GPHN: variants seen among roughly 807,000 people sequenced by gnomAD.
GPHN encodes gephyrin.
Under a neutral mutation model 95.5 loss-of-function variants are expected in GPHN, and 17 were observed. That is an observed-to-expected ratio of 0.18 (90% CI 0.12 to 0.27). The LOEUF is 0.27. GPHN is among the 10% of genes least tolerant of loss of function. The pLI is 1.00. For synonymous variants in GPHN, 320 were observed against 322.5 expected (o/e 0.99, Z 0.08); for missense variants, 660 against 978.1 (o/e 0.67, Z 4.34).
At chr14:67,428,817 C>T in the GPHN span, among the ~76,000 whole-genome samples, 1 of 152,170 alleles carries the variant, frequency 6.6e-6, no homozygotes, top group Non-Finnish European at 1.5e-5. Flanking sequence ...AAGCTCTCCC[C>T]ACTGCTGCCC....
chr14:67,717,729 T>C, the GPHN span: 1 of 152,218 alleles, frequency 6.6e-6, no homozygotes, highest in Non-Finnish European at 1.5e-5. Context: ...AAATCCTCCT[T>C]TACTCGGAAC....
the GPHN span, among the ~76,000 whole-genome samples, chr14:67,455,113 G>T: frequency 6.6e-6 from 1 of 152,216 alleles, no homozygotes; most frequent in African/African-American, 2.4e-5. Context: ...GCCTACCAAA[G>T]TGCTGGGATT....
chr14:67,432,765 C>A, the GPHN span, among the ~76,000 whole-genome samples: 2 of 152,060 alleles, frequency 1.3e-5, no homozygotes, highest in African/African-American at 2.4e-5. Context: ...GGCTTCTCTG[C>A]TGCCTTATGG....
chr14:67,654,748 G>C, the GPHN span, among the ~76,000 whole-genome samples: 2 of 152,040 alleles, frequency 1.3e-5, no homozygotes, highest in Non-Finnish European at 2.9e-5. Flanking sequence ...AAAAAATTTT[G>C]CCCGGGCGCA....
chr14:67,325,979 C>CTTTTTTTTTTT, the GPHN span, among the ~76,000 whole-genome samples: 187 of 110,208 alleles, frequency 1.7e-3, no homozygotes, highest in African/African-American at 6.2e-3. Flanking sequence ...CGGCTCTTTT[C>CTTTTTTTTTTT]TTTTTTTTTT....
the GPHN span, among the ~76,000 whole-genome samples, chr14:67,475,511 A>G: frequency 0.014 from 2,128 of 152,272 alleles, 49 homozygotes; most frequent in African/African-American, 0.049. Flanking sequence ...CCCATCAGCA[A>G]TGTACAAGGG....
the GPHN span, among the ~76,000 whole-genome samples, chr14:67,263,666 G>C: frequency 6.6e-6 from 1 of 152,086 alleles, no homozygotes; most frequent in African/African-American, 2.4e-5. Flanking sequence ...TTCTGACCTC[G>C]AAAAACAACT....
At chr14:67,342,865 A>C in the GPHN span, among the ~76,000 whole-genome samples, 1 of 152,106 alleles carries the variant, frequency 6.6e-6, no homozygotes, top group Non-Finnish European at 1.5e-5. Flanking sequence ...AACTAAGTTT[A>C]TTGAGCAAAA....
At chr14:66,636,037 A>G (rs530727537) in intron 1 of GPHN, among the ~76,000 whole-genome samples, 2 of 152,220 alleles carry the variant, frequency 1.3e-5, no homozygotes, top group South Asian at 4.2e-4. Flanking sequence ...TTTAATGTGT[A>G]TTTGTTCATA....
intron 1 of GPHN, among the ~76,000 whole-genome samples, chr14:66,606,842 G>A (rs1354895031): frequency 6.6e-6 from 1 of 152,116 alleles, no homozygotes; most frequent in Non-Finnish European, 1.5e-5. Flanking sequence ...GGAGCCTTTT[G>A]GCAGCATCTT....
the GPHN span, among the ~76,000 whole-genome samples, chr14:67,559,925 C>A: frequency 6.6e-6 from 1 of 152,178 alleles, no homozygotes; most frequent in African/African-American, 2.4e-5. Flanking sequence ...TTTAAGTTTG[C>A]GAGAAGGAAT....
At chr14:67,196,223 C>CTTTTTTTTTT in the GPHN span, among the ~76,000 whole-genome samples, 857 of 142,970 alleles carry the variant, frequency 6.0e-3, 4 homozygotes, top group Middle Eastern at 0.011. Context: ...TTCTTTCTTT[C>CTTTTTTTTTT]TTTTTTTTTT....
chr14:67,467,060 C>A, the GPHN span: 1 of 150,008 alleles, frequency 6.7e-6, no homozygotes, highest in Non-Finnish European at 1.5e-5. Flanking sequence ...AACCTATCAA[C>A]CTTTGAGTGT....
chr14:66,836,592 T>C (rs1355459704), intron 4 of GPHN, among the ~76,000 whole-genome samples: 4 of 137,670 alleles, frequency 2.9e-5, no homozygotes, highest in African/African-American at 1.2e-4. Flanking sequence ...AATTGACAAA[T>C]GGGATCTAAT....
the GPHN span, among the ~76,000 whole-genome samples, chr14:67,452,815 C>T: frequency 6.6e-6 from 1 of 152,214 alleles, no homozygotes; most frequent in Non-Finnish European, 1.5e-5. Flanking sequence ...GGAATGGTTA[C>T]TATTTCCAGG....
chr14:67,658,047 C>T, the GPHN span, among the ~76,000 whole-genome samples: 5 of 152,146 alleles, frequency 3.3e-5, no homozygotes, highest in East Asian at 1.9e-4. Flanking sequence ...CTGTGCCCGG[C>T]GCTCTGTAGC....
At chr14:66,720,898 T>C (rs941767316) in intron 2 of GPHN, among the ~76,000 whole-genome samples, 2 of 152,110 alleles carry the variant, frequency 1.3e-5, no homozygotes, top group African/African-American at 2.4e-5. Flanking sequence ...ACCTACCACA[T>C]TGCGGTAAAC....
intron 10 of GPHN, among the ~76,000 whole-genome samples, chr14:67,036,290 G>A (rs905297583): frequency 6.6e-6 from 1 of 150,426 alleles, no homozygotes; most frequent in Admixed American, 6.6e-5. Flanking sequence ...AAAACTGGAA[G>A]CTTTTTTTTT....
At chr14:67,193,476 T>C in the GPHN span, among the ~76,000 whole-genome samples, 8 of 142,560 alleles carry the variant, frequency 5.6e-5, no homozygotes, top group Non-Finnish European at 7.7e-5. Flanking sequence ...TCTAGATATC[T>C]AGATACAGAT....
Sources: gnomAD v4.1 joint callset for allele counts (sites outside exome capture counted in the v4.1 genomes callset) on GRCh38, gnomAD v4.1.1 for gene constraint, MANE v1.5 for transcripts, NCBI Gene and HGNC (gene_info 2026-07-23, HGNC 2026-07-21) for gene names.